Variants in SORCS3 observed in about 807,000 individuals in gnomAD.
SORCS3 encodes VPS10 domain-containing receptor SorCS3.
Under a neutral mutation model 146.3 loss-of-function variants are expected in SORCS3, and 57 were observed. That is an observed-to-expected ratio of 0.39 (90% CI 0.31 to 0.49). The LOEUF (loss-of-function observed/expected upper bound fraction) is 0.49. SORCS3 is among the 20% of genes least tolerant of loss of function. The probability of loss-of-function intolerance (pLI) is 0.92; values close to 1 mark genes in which losing one functional copy is unlikely to be tolerated. For missense variants in SORCS3, 1,341 were observed against 1,575.5 expected, an observed-to-expected ratio of 0.85 and a Z score of 2.52; for synonymous variants, 653 against 618.5, an observed-to-expected ratio of 1.06 and a Z score of -0.83.
At chr10:105,235,848 T>C (rs916534071) in intron 20 of SORCS3, among the ~76,000 whole-genome samples, 1 of 152,142 alleles carries the variant, frequency 6.6e-6, no homozygotes, top group African/African-American at 2.4e-5. Context: ...TGACTCACCA[T>C]AAAGTGGAAA....
chr10:104,695,534 A>T (rs1163771852), intron 1 of SORCS3, among the ~76,000 whole-genome samples: 1 of 151,976 alleles, frequency 6.6e-6, no homozygotes, highest in Non-Finnish European at 1.5e-5. Flanking sequence ...ATGAAAGACC[A>T]TTCTTTATCC....
At position 104,940,204 on chromosome 10, in the gene SORCS3, TTATATATATA is replaced by T. The variant is rs71022748; in HGVS notation, c.795+24298_795+24307del. On this transcript the variant is annotated intron_variant, in intron 3 of 26. Coordinates refer to ENST00000369701, the MANE Select transcript of SORCS3 (RefSeq NM_014978.3). ...ACCGAGAGTTCCTCTTCCTTTTCTT[TTATATATATA>T]TATATATATATATATATATATATAT... Among the ~76,000 whole-genome samples, 214 of 52,986 alleles carry T rather than the reference TTATATATATA, an allele frequency of 4.0e-3. 1 individual carries two copies. Among genetic ancestry groups the T allele is most frequent in the African/African-American group, 8.5e-3 (183 of 21,634 alleles). The allele number at this position is 52,986 out of a possible 152,430, so 34.8% of individuals were successfully genotyped here. A position where few individuals can be genotyped will look rare whatever the true frequency, so the allele number is the denominator to read the frequency against.
At chr10:104,763,640 CT>C (rs2017146141) in intron 1 of SORCS3, among the ~76,000 whole-genome samples, 1 of 152,230 alleles carries the variant, frequency 6.6e-6, no homozygotes. Flanking sequence ...CCACTTGTTA[CT>C]TACAAGCTAG....
At chr10:104,658,871 TG>T (rs2015666311) in intron 1 of SORCS3, among the ~76,000 whole-genome samples, 1 of 152,018 alleles carries the variant, frequency 6.6e-6, no homozygotes, top group Admixed American at 6.6e-5. Flanking sequence ...CTTTTGTTTT[TG>T]TTTTTTTTTT....
intron 1 of SORCS3, among the ~76,000 whole-genome samples, chr10:104,751,947 A>ATATATATATATATATG (rs2016991128): frequency 8.7e-6 from 1 of 115,222 alleles, no homozygotes; most frequent in African/African-American, 3.8e-5. Flanking sequence ...ATATATATAT[A>ATATATATATATATATG]TATATATATA....
rs1038874340 is a variant in SORCS3, at chr10:104,649,149, A to G, written c.627+7195A>G. On this transcript the variant is annotated intron_variant, in intron 1 of 26. Transcript: ENST00000369701. ...GTGGAGAGATTTCATCATGAATGCA[A>G]TCCTCTTCTGGATTTGTTGAGAACA... Among the ~76,000 whole-genome samples, 4 of 152,132 alleles carry G rather than the reference A, an allele frequency of 2.6e-5. No homozygotes were observed. The South Asian group carries it at 8.3e-4, about 32-fold the overall frequency.
chr10:105,111,416 A>G (rs949000947), intron 7 of SORCS3, among the ~76,000 whole-genome samples: 4 of 152,166 alleles, frequency 2.6e-5, no homozygotes, highest in African/African-American at 4.8e-5. Flanking sequence ...CTGGTACTCA[A>G]TAAATGTTTG....
intron 14 of SORCS3, among the ~76,000 whole-genome samples, chr10:105,193,119 T>C (rs1455059082): frequency 6.6e-6 from 1 of 152,150 alleles, no homozygotes; most frequent in Non-Finnish European, 1.5e-5. Context: ...TTACTCCCCT[T>C]CCTGAAAGGC....
intron 2 of SORCS3, among the ~76,000 whole-genome samples, chr10:104,901,305 G>T (rs1381064465): frequency 6.6e-6 from 1 of 152,168 alleles, no homozygotes; most frequent in African/African-American, 2.4e-5. Flanking sequence ...TTCAAAGAGG[G>T]TAAGTGACCT....
chr10:105,091,269 C>T (rs12762064), intron 6 of SORCS3, among the ~76,000 whole-genome samples: 202 of 32,862 alleles, frequency 6.1e-3, no homozygotes, highest in Non-Finnish European at 9.4e-3. Context: ...CCTTCCTTCC[C>T]TCCTTCCTTC....
intron 5 of SORCS3, among the ~76,000 whole-genome samples, chr10:105,048,372 A>T (rs900211557): frequency 6.6e-6 from 1 of 151,062 alleles, no homozygotes. Flanking sequence ...TGATGAATTC[A>T]TGTCCTTTGT....
At chr10:104,711,952 T>C (rs2016422538) in intron 1 of SORCS3, among the ~76,000 whole-genome samples, 1 of 152,200 alleles carries the variant, frequency 6.6e-6, no homozygotes, top group Non-Finnish European at 1.5e-5. Context: ...CGCTTTTCCA[T>C]ATCTCTCATG....
chr10:105,039,224 G>C (rs927996781), intron 4 of SORCS3, among the ~76,000 whole-genome samples: 6 of 152,158 alleles, frequency 3.9e-5, no homozygotes, highest in Admixed American at 2.6e-4. Flanking sequence ...ATATGTTTCA[G>C]ACTCAGCAAC....
In SORCS3 at chr10:104,696,077, T is replaced by A. The variant is rs1277645979; in HGVS notation, c.627+54123T>A. Among the ~76,000 whole-genome samples the A allele has an allele frequency of 3.8e-4, 7 of 18,360 alleles. 1 individual carries two copies. The Middle Eastern group carries it at 0.069, about 181-fold the overall frequency. 12.0% of individuals were successfully genotyped at this position (18,360 alleles called of 152,430 possible). ...ATACACATATTATATATAATATATATCATATACACATATATAATATATCAT... is the reference window on the plus strand; with the variant it reads ...ATACACATATTATATATAATATATAACATATACACATATATAATATATCAT... On this transcript the variant is annotated intron_variant, in intron 1 of 26. Coordinates refer to ENST00000369701, the MANE Select transcript of SORCS3 (RefSeq NM_014978.3).
intron 7 of SORCS3, among the ~76,000 whole-genome samples, chr10:105,124,943 C>G (rs1318154377): frequency 2.6e-5 from 4 of 152,200 alleles, no homozygotes; most frequent in Non-Finnish European, 4.4e-5. Context: ...AGTTTTACTG[C>G]CTGCCCAGGT....
In SORCS3 at chr10:105,031,332, AACACAC is replaced by A. The variant is rs371026666; in HGVS notation, c.955-11697_955-11692del. Among the ~76,000 whole-genome samples the A allele has an allele frequency of 5.3e-3, 603 of 113,530 alleles. 4 individuals are homozygous for A. Among genetic ancestry groups the A allele is most frequent in the South Asian group, 0.011 (29 of 2,710 alleles). The allele number at this position is 113,530 out of a possible 152,430, so 74.5% of individuals were successfully genotyped here. A position where few individuals can be genotyped will look rare whatever the true frequency, so the allele number is the denominator to read the frequency against. The stretch of plus-strand genomic sequence containing the variant: ...CAAACAAACAACACACACACACACA[AACACAC>A]ACACACACACACACACACACACACA... On this transcript the variant is annotated intron_variant, in intron 4 of 26. Transcript: ENST00000369701.
chr10:104,842,942 C>A (rs775687459), intron 2 of SORCS3, 83 bp downstream of exon 2: 1 of 1,073,694 alleles, frequency 9.3e-7, no homozygotes, highest in Non-Finnish European at 1.4e-6. Context: ...GAAGTGTGGA[C>A]TGGAAGGAGC....
At position 105,246,027 on chromosome 10, in the gene SORCS3, T is replaced by C. The variant is rs548260764; in HGVS notation, c.2992+362T>C. ...AGCAATTTCCAAAAGTCAGGAGTCA[T>C]GATCCCTGCCTTGTAGGACTCATTG... On this transcript the variant is annotated intron_variant, in intron 21 of 26. Transcript: ENST00000369701. Among the ~76,000 whole-genome samples the C allele has an allele frequency of 1.3e-4, 20 of 152,348 alleles. No individual in the cohort carries two copies. The East Asian group carries it at 3.9e-3, about 29-fold the overall frequency.
chr10:105,147,253 A>G (rs544741227), intron 8 of SORCS3, among the ~76,000 whole-genome samples: 1 of 152,296 alleles, frequency 6.6e-6, no homozygotes, highest in Non-Finnish European at 1.5e-5. Flanking sequence ...TGAATATCTA[A>G]TGACAAGATA....
Sources: gnomAD v4.1 joint callset for allele counts (sites outside exome capture counted in the v4.1 genomes callset) on GRCh38, gnomAD v4.1.1 for gene constraint, MANE v1.5 for transcripts, NCBI Gene and HGNC (gene_info 2026-07-23, HGNC 2026-07-21) for gene names.